Variants in MSI2 observed in about 807,000 individuals in gnomAD.
MSI2 encodes musashi RNA binding protein 2.
A neutral mutation model predicts 45.6 loss-of-function variants in MSI2; 17 were observed. That is an observed-to-expected ratio of 0.37 (90% CI 0.26 to 0.56). The LOEUF (loss-of-function observed/expected upper bound fraction) is 0.56. MSI2 is among the 20% of genes least tolerant of loss of function. The pLI, the probability that MSI2 is intolerant of heterozygous loss-of-function variation, is 0.77. For missense variants in MSI2, 293 were observed against 444.2 expected, an observed-to-expected ratio of 0.66 and a Z score of 3.06; for synonymous variants, 156 against 158.2, an observed-to-expected ratio of 0.99 and a Z score of 0.11.
intron 6 of MSI2, among the ~76,000 whole-genome samples, chr17:57,420,898 C>T (rs777006379): frequency 3.2e-4 from 49 of 152,244 alleles, no homozygotes; most frequent in Non-Finnish European, 6.2e-4. Flanking sequence ...AGGCGCAGAG[C>T]GAGCATCGCC....
At chr17:57,592,866 G>A (rs1191982504) in intron 7 of MSI2, among the ~76,000 whole-genome samples, 1 of 152,156 alleles carries the variant, frequency 6.6e-6, no homozygotes, top group East Asian at 1.9e-4. Flanking sequence ...AGAGAGTCCT[G>A]AATTACCATT....
intron 8 of MSI2, among the ~76,000 whole-genome samples, chr17:57,605,550 A>C (rs1217139098): frequency 6.6e-6 from 1 of 152,180 alleles, no homozygotes; most frequent in Non-Finnish European, 1.5e-5. Flanking sequence ...AGAGGGGAGC[A>C]TGGAGACCAC....
At chr17:57,279,355 C>T (rs1335112833) in intron 5 of MSI2, 1 of 152,398 alleles carries the variant, frequency 6.6e-6, no homozygotes, top group Non-Finnish European at 1.5e-5. Flanking sequence ...TGAGCTGAAT[C>T]TTGAGAGAGA....
intron 5 of MSI2, among the ~76,000 whole-genome samples, chr17:57,300,996 T>C (rs1466065781): frequency 6.6e-6 from 1 of 152,154 alleles, no homozygotes; most frequent in Non-Finnish European, 1.5e-5. Context: ...ATCTCTCACT[T>C]GTTAGGTCCT....
intron 5 of MSI2, among the ~76,000 whole-genome samples, chr17:57,333,793 GA>G (rs199746790): frequency 0.011 from 1,457 of 129,118 alleles, 21 homozygotes; most frequent in African/African-American, 0.043. Flanking sequence ...ATAAGAAAGG[GA>G]AAAAAAAAAC....
At chr17:57,311,565 A>T (rs367792431) in intron 5 of MSI2, among the ~76,000 whole-genome samples, 110 of 152,208 alleles carry the variant, frequency 7.2e-4, no homozygotes, top group African/African-American at 2.6e-3. Flanking sequence ...CTATATATAT[A>T]TTTTTAAACA....
chr17:57,481,402 C>T (rs1052138115), intron 6 of MSI2, among the ~76,000 whole-genome samples: 3 of 152,180 alleles, frequency 2.0e-5, no homozygotes, highest in Admixed American at 1.3e-4. Flanking sequence ...GGCTGAGTGA[C>T]AAGATATGCT....
intron 6 of MSI2, among the ~76,000 whole-genome samples, chr17:57,434,266 A>C (rs1013223384): frequency 2.0e-5 from 3 of 151,970 alleles, no homozygotes; most frequent in Non-Finnish European, 4.4e-5. Flanking sequence ...CACCCAGCTA[A>C]TTTTTTGTAT....
At chr17:57,695,096 A>G in the MSI2 span, among the ~76,000 whole-genome samples, 1 of 152,150 alleles carries the variant, frequency 6.6e-6, no homozygotes, top group Non-Finnish European at 1.5e-5. Context: ...CATCTAGTTT[A>G]CCTGCTTCAC....
intron 11 of MSI2, among the ~76,000 whole-genome samples, chr17:57,656,869 A>T (rs1911634287): frequency 1.3e-5 from 2 of 152,202 alleles, no homozygotes; most frequent in South Asian, 4.1e-4. Context: ...CATCTTCCCT[A>T]CATTTGTGGT....
At chr17:57,482,209 G>C (rs1048798550) in intron 6 of MSI2, among the ~76,000 whole-genome samples, 2 of 152,226 alleles carry the variant, frequency 1.3e-5, no homozygotes, top group Non-Finnish European at 2.9e-5. Flanking sequence ...CTCAGGGTTT[G>C]AGTCAGAATC....
intron 5 of MSI2, among the ~76,000 whole-genome samples, chr17:57,383,010 A>G (rs2083623774): frequency 6.6e-6 from 1 of 152,178 alleles, no homozygotes; most frequent in Non-Finnish European, 1.5e-5. Context: ...GGTTTGAGGA[A>G]GAAAGGGCCT....
At chr17:57,545,723 C>A (rs925068191) in intron 7 of MSI2, among the ~76,000 whole-genome samples, 1 of 152,174 alleles carries the variant, frequency 6.6e-6, no homozygotes, top group African/African-American at 2.4e-5. Context: ...CTCGTTAACC[C>A]ATCTCTGTAC....
rs1298300463 is a variant in MSI2, at chr17:57,683,425, A to T, written c.*3908A>T. 4.4e-6 allele frequency: 1 copy of T among 229,192 alleles called. No individual in the cohort carries two copies. Among genetic ancestry groups the T allele is most frequent in the Non-Finnish European group, 8.6e-6 (1 of 115,652 alleles). 14.2% of individuals were successfully genotyped at this position (229,192 alleles called of 1,614,324 possible). On this transcript the variant is annotated 3_prime_UTR_variant, in exon 14 of 14. Coordinates refer to ENST00000284073, the MANE Select transcript of MSI2 (RefSeq NM_138962.4). The surrounding 1 kb of genome is among the most constrained non-coding windows in gnomAD (Gnocchi z 5.2). ...AAAACCTATTTTGATCTTTAGTGCA[A>T]ACGAGGGCTAGGGACTTAGCCTCCT... is the stretch of plus-strand genomic sequence containing the variant.
intron 6 of MSI2, among the ~76,000 whole-genome samples, chr17:57,504,871 T>A (rs2086193379): frequency 6.9e-6 from 1 of 145,748 alleles, no homozygotes; most frequent in South Asian, 2.2e-4. Context: ...GCGGAGGTTG[T>A]GGTGAGCCGA....
chr17:57,595,273 CATAAT>C, intron 7 of MSI2, among the ~76,000 whole-genome samples: 1 of 151,932 alleles, frequency 6.6e-6, no homozygotes, highest in East Asian at 1.9e-4. Flanking sequence ...ACACAATTAT[CATAAT>C]ATAATTGTGA....
At chr17:57,373,228 A>AC (rs1025363175) in intron 5 of MSI2, among the ~76,000 whole-genome samples, 2 of 5,922 alleles carry the variant, frequency 3.4e-4, no homozygotes, top group African/African-American at 9.7e-4. Flanking sequence ...CCAGCCTGTC[A>AC]AAAAAAAAAA....
chr17:57,424,031 A>T (rs557848203), intron 6 of MSI2, among the ~76,000 whole-genome samples: 28 of 152,354 alleles, frequency 1.8e-4, no homozygotes, highest in African/African-American at 6.7e-4. Flanking sequence ...TATTATATAC[A>T]TCTCCTGCAG....
At chr17:57,267,333 GA>G (rs1907894825) in intron 5 of MSI2, 1 of 152,304 alleles carries the variant, frequency 6.6e-6, no homozygotes, top group Non-Finnish European at 1.5e-5. Context: ...GCTTAAGGAG[GA>G]GGGGCACCTT....
Sources: allele counts gnomAD v4.1 joint callset (sites outside exome capture counted in the v4.1 genomes callset), GRCh38; gene constraint gnomAD v4.1.1; non-coding constraint Gnocchi (gnomAD v3.1); transcripts MANE v1.5; gene names NCBI Gene and HGNC (gene_info 2026-07-23, HGNC 2026-07-21).